Variants in POLA1 observed in about 807,000 individuals in gnomAD.
POLA1 encodes the protein DNA polymerase alpha catalytic subunit.
Under a neutral mutation model 124.0 loss-of-function variants are expected in POLA1, and 15 were observed. That is an observed-to-expected ratio of 0.12 (90% CI 0.08 to 0.19). The LOEUF (loss-of-function observed/expected upper bound fraction) is 0.19, where lower values mean the gene tolerates loss of function less well. Among genes scored for constraint, POLA1 ranks in the 10% least tolerant of loss-of-function variants. The pLI is 1.00. For synonymous variants in POLA1, 408 were observed against 389.4 expected (o/e 1.05, Z -0.56); for missense variants, 886 against 1,103.4 (o/e 0.80, Z 2.79).
intron 35 of POLA1, among the ~76,000 whole-genome samples, chrX:24,896,064 A>T (rs2047202555): frequency 8.9e-6 from 1 of 111,930 alleles, no homozygotes; most frequent in Admixed American, 9.4e-5. Context: ...CTAATCAATA[A>T]GGTAGGAAAG....
chrX:24,814,486 TAAA>T (rs908273475), intron 29 of POLA1, among the ~76,000 whole-genome samples: 25 of 111,957 alleles, frequency 2.2e-4, no homozygotes, highest in Non-Finnish European at 3.4e-4. Context: ...CTTTGTTTTT[TAAA>T]AAAATTTATG....
intron 26 of POLA1, among the ~76,000 whole-genome samples, chrX:24,789,712 C>T (rs1336361005): frequency 8.9e-6 from 1 of 111,822 alleles, no homozygotes; most frequent in Admixed American, 9.5e-5. Context: ...TAAAGAACAT[C>T]AGTAATAAAA....
At chrX:24,824,998 C>T (rs2046149419) in intron 31 of POLA1, among the ~76,000 whole-genome samples, 1 of 110,975 alleles carries the variant, frequency 9.0e-6, no homozygotes. Context: ...AAGGGTAGAC[C>T]AATTTTTCAT....
At position 24,930,396 on chromosome X, in the gene POLA1, C is replaced by T. The variant is rs1301948410; in HGVS notation, c.4165-57C>T. On this transcript the variant is annotated intron_variant, in intron 35 of 36. Coordinates refer to ENST00000379068, the MANE Select transcript of POLA1 (RefSeq NM_001330360.2). ...GGGGATACACTCTGCTGAGAGTGAT[C>T]CCCATCGCTTCCCCCTCCCCAGTAG... 4.0e-6 allele frequency: 3 copies of T among 755,870 alleles called. No homozygotes were observed. The East Asian group carries it at 9.6e-5, about 24-fold the overall frequency. 62.3% of individuals were successfully genotyped at this position (755,870 alleles called of 1,213,427 possible).
At chrX:24,981,083 A>G (rs961590425) in intron 36 of POLA1, among the ~76,000 whole-genome samples, 1 of 112,080 alleles carries the variant, frequency 8.9e-6, no homozygotes, top group African/African-American at 3.2e-5. Context: ...CCTTCACTTG[A>G]TGGATCCCCT....
intron 26 of POLA1, among the ~76,000 whole-genome samples, chrX:24,780,104 T>C (rs747321571): frequency 1.8e-5 from 2 of 112,205 alleles, no homozygotes; most frequent in South Asian, 7.4e-4. Flanking sequence ...TAGTATTTTA[T>C]TGAGGATTTT....
intron 35 of POLA1, among the ~76,000 whole-genome samples, chrX:24,913,190 A>G (rs1419682617): frequency 8.9e-6 from 1 of 112,306 alleles, no homozygotes; most frequent in African/African-American, 3.2e-5. Context: ...TACACCCAAC[A>G]TCTTGGATGA....
At chrX:24,961,762 C>T (rs1188286642) in intron 36 of POLA1, among the ~76,000 whole-genome samples, 2 of 111,535 alleles carry the variant, frequency 1.8e-5, no homozygotes, top group Non-Finnish European at 3.8e-5. Flanking sequence ...AAAATCTGCC[C>T]AGACCAGTTA....
intron 32 of POLA1, among the ~76,000 whole-genome samples, chrX:24,829,380 A>G (rs1382293938): frequency 9.0e-6 from 1 of 111,162 alleles, no homozygotes; most frequent in East Asian, 2.8e-4. Context: ...AGTTGTCATC[A>G]TTGTGTAGTC....
chrX:24,927,315 T>C (rs758525561), intron 35 of POLA1, among the ~76,000 whole-genome samples: 14 of 111,935 alleles, frequency 1.3e-4, no homozygotes, highest in Non-Finnish European at 2.4e-4. Context: ...GTTTGCGTTG[T>C]TTCTAATATA....
intron 36 of POLA1, among the ~76,000 whole-genome samples, chrX:24,945,586 G>A (rs918145971): frequency 1.8e-5 from 2 of 111,961 alleles, no homozygotes; most frequent in Non-Finnish European, 3.8e-5. Context: ...GGAAGAAGTT[G>A]AAACACGAAT....
intron 35 of POLA1, among the ~76,000 whole-genome samples, chrX:24,911,222 C>T (rs1164547407): frequency 8.9e-6 from 1 of 111,857 alleles, no homozygotes; most frequent in African/African-American, 3.2e-5. Context: ...ACAATATATA[C>T]TGTGATGTGT....
intron 32 of POLA1, among the ~76,000 whole-genome samples, chrX:24,828,835 G>C (rs2046215445): frequency 9.0e-6 from 1 of 111,638 alleles, no homozygotes; most frequent in Non-Finnish European, 1.9e-5. Flanking sequence ...CCTGATGCCT[G>C]CCTGGATGTG....
At chrX:24,725,872 T>G (rs1930509293) in intron 12 of POLA1, 109 bp from the exon 13 acceptor site, 1 of 520,627 alleles carries the variant, frequency 1.9e-6, no homozygotes, top group Non-Finnish European at 3.2e-6. Context: ...CATTTACCTT[T>G]GTGTTCCATA....
At chrX:24,847,491 A>G (rs2046491983) in intron 34 of POLA1, among the ~76,000 whole-genome samples, 1 of 111,706 alleles carries the variant, frequency 9.0e-6, no homozygotes, top group Non-Finnish European at 1.9e-5. Context: ...GTACTTTACT[A>G]TGATTTTTAA....
chrX:24,819,214 AT>A (rs1237026221), intron 30 of POLA1, among the ~76,000 whole-genome samples: 1 of 112,710 alleles, frequency 8.9e-6, no homozygotes, highest in Non-Finnish European at 1.9e-5. Flanking sequence ...ATTGTACAAT[AT>A]CAAAAATTAC....
chrX:24,762,083 G>T (rs1354612492), intron 26 of POLA1, among the ~76,000 whole-genome samples: 1 of 112,115 alleles, frequency 8.9e-6, no homozygotes, highest in Non-Finnish European at 1.9e-5. Flanking sequence ...TCTGCCTTTG[G>T]TTTTTCACTT....
At chrX:24,757,414 T>C (rs1440686707) in intron 26 of POLA1, among the ~76,000 whole-genome samples, 1 of 104,171 alleles carries the variant, frequency 9.6e-6, no homozygotes, top group African/African-American at 3.6e-5. Context: ...TCTAAAAATC[T>C]GAAATGCTCC....
intron 11 of POLA1, among the ~76,000 whole-genome samples, chrX:24,723,970 C>T (rs1450015377): frequency 8.9e-6 from 1 of 112,788 alleles, no homozygotes; most frequent in Non-Finnish European, 1.9e-5. Context: ...TGAGCCACTG[C>T]GCTCAGTCTG....
Sources: gnomAD v4.1 joint callset for allele counts (sites outside exome capture counted in the v4.1 genomes callset) on GRCh38, gnomAD v4.1.1 for gene constraint, MANE v1.5 for transcripts, NCBI Gene and HGNC (gene_info 2026-07-23, HGNC 2026-07-21) for gene names.